HSD17B3: variants seen among roughly 807,000 people sequenced by gnomAD.
HSD17B3 encodes the protein 17-beta-hydroxysteroid dehydrogenase type 3.
In HSD17B3, 29 loss-of-function variants were observed where a neutral mutation model predicts 41.1. That is an observed-to-expected ratio of 0.71 (90% confidence interval 0.53 to 0.96). HSD17B3 has a LOEUF of 0.96. HSD17B3 is among the 40% of genes least tolerant of loss of function. HSD17B3 has a pLI of 0.00. For synonymous variants in HSD17B3, 126 were observed against 145.6 expected, an observed-to-expected ratio of 0.87 and a Z score of 0.97; for missense variants, 323 against 374.6, an observed-to-expected ratio of 0.86 and a Z score of 1.14.
At chr9:96,299,929 ACT>A (rs1418674475) in intron 1 of HSD17B3, among the ~76,000 whole-genome samples, 1 of 151,968 alleles carries the variant, frequency 6.6e-6, no homozygotes, top group Non-Finnish European at 1.5e-5. Context: ...GCTAGAGGTA[ACT>A]CTATCCATCT....
chr9:96,287,944 A>G (rs775886296), intron 2 of HSD17B3, among the ~76,000 whole-genome samples: 1 of 152,160 alleles, frequency 6.6e-6, no homozygotes, highest in Non-Finnish European at 1.5e-5. Context: ...GAGTATATCC[A>G]TACAATGGAA....
chr9:96,255,053 G>C (rs1052472414), intron 2 of HSD17B3, 110 bp from the exon 3 acceptor site: 3 of 916,120 alleles, frequency 3.3e-6, no homozygotes, highest in Non-Finnish European at 5.3e-6. Flanking sequence ...GGGTGACATG[G>C]TTGCTTCACC....
At chr9:96,284,790 T>C (rs928116306) in intron 2 of HSD17B3, among the ~76,000 whole-genome samples, 1 of 151,876 alleles carries the variant, frequency 6.6e-6, no homozygotes. Context: ...GGTTCAGCTC[T>C]AAAAAGTCTT....
In HSD17B3 at chr9:96,280,777, T is replaced by A. The variant is rs559417839; in HGVS notation, c.201+17639A>T. ...AAAATACAGGTCATAAAGACCTTGCTGATAAAACAGCTTGCAGTAAAAAAG... is the reference window on the plus strand; with the variant it reads ...AAAATACAGGTCATAAAGACCTTGCAGATAAAACAGCTTGCAGTAAAAAAG... On this transcript the variant is annotated intron_variant, in intron 2 of 10. Coordinates refer to ENST00000375263, the MANE Select transcript of HSD17B3 (RefSeq NM_000197.2). Among the ~76,000 whole-genome samples, 9 of 152,336 alleles carry A rather than the reference T, an allele frequency of 5.9e-5. No individual in the cohort carries two copies. In the South Asian group the frequency reaches 1.9e-3, roughly 32 times the overall value.
At chr9:96,273,505 C>G (rs1016118052) in intron 2 of HSD17B3, among the ~76,000 whole-genome samples, 1 of 152,184 alleles carries the variant, frequency 6.6e-6, no homozygotes, top group Non-Finnish European at 1.5e-5. Flanking sequence ...GCCTCAGCCA[C>G]CACAGACATC....
At chr9:96,272,445 A>ATATATATATATC (rs1564048658) in intron 2 of HSD17B3, among the ~76,000 whole-genome samples, 1 of 99,230 alleles carries the variant, frequency 1.0e-5, no homozygotes, top group African/African-American at 3.6e-5. Flanking sequence ...ATATATATAT[A>ATATATATATATC]TAAAATATAT....
chr9:96,285,355 A>G (rs1041017450), intron 2 of HSD17B3, among the ~76,000 whole-genome samples: 2 of 152,158 alleles, frequency 1.3e-5, no homozygotes, highest in Non-Finnish European at 2.9e-5. Flanking sequence ...TGTTTCTGCA[A>G]TTTAGACTAA....
intron 10 of HSD17B3, among the ~76,000 whole-genome samples, chr9:96,240,426 T>C (rs1404012341): frequency 6.6e-6 from 1 of 152,188 alleles, no homozygotes; most frequent in East Asian, 1.9e-4. Context: ...AGCTAAACAT[T>C]GACTGGAATA....
chr9:96,282,992 C>CT (rs58397134), intron 2 of HSD17B3, among the ~76,000 whole-genome samples: 10,893 of 71,102 alleles, frequency 0.15, 1,665 homozygotes, highest in Non-Finnish European at 0.21. Context: ...AGGTTTCTTT[C>CT]TTTTTTTTTT....
intron 2 of HSD17B3, among the ~76,000 whole-genome samples, chr9:96,290,976 C>T (rs1827134807): frequency 6.6e-6 from 1 of 152,122 alleles, no homozygotes; most frequent in Non-Finnish European, 1.5e-5. Flanking sequence ...TTGGGAAAAA[C>T]TATGACCCCA....
At chr9:96,295,758 G>A (rs10990306) in intron 2 of HSD17B3, among the ~76,000 whole-genome samples, 71 of 152,292 alleles carry the variant, frequency 4.7e-4, no homozygotes, top group East Asian at 2.1e-3. Flanking sequence ...GATGCAAGCC[G>A]TCTGGGACAA....
intron 2 of HSD17B3, among the ~76,000 whole-genome samples, chr9:96,281,200 C>A (rs1826678353): frequency 1.3e-5 from 2 of 152,112 alleles, no homozygotes; most frequent in South Asian, 4.1e-4. Flanking sequence ...TGAAAACCCC[C>A]TTCCCAAAGC....
rs116603639 is a variant in HSD17B3 at position 96,271,613 on chromosome 9, C to A, written c.202-16670G>T. Among the ~76,000 whole-genome samples the A allele has an allele frequency of 2.4e-3, 366 of 152,244 alleles. 2 individuals carry two copies. The highest frequency in any genetic ancestry group is 8.3e-3 in the African/African-American group (343 of 41,544). On this transcript the variant is annotated intron_variant, in intron 2 of 10. Coordinates refer to ENST00000375263, the MANE Select transcript of HSD17B3 (RefSeq NM_000197.2). The stretch of plus-strand genomic sequence containing the variant: ...AGTCAAAGCAGATATGTGTTATGAT[C>A]CAGCTTCAACCATGAAGAAGAGAGC...
chr9:96,259,242 T>C (rs1194538972), intron 2 of HSD17B3, among the ~76,000 whole-genome samples: 2 of 152,208 alleles, frequency 1.3e-5, no homozygotes, highest in Non-Finnish European at 2.9e-5. Flanking sequence ...AGAGTAGGCA[T>C]CTGGGTGGAC....
chr9:96,244,223 A>G (rs1441004901), intron 9 of HSD17B3, 106 bp downstream of exon 9: 2 of 1,065,532 alleles, frequency 1.9e-6, no homozygotes, highest in Non-Finnish European at 2.9e-6. Flanking sequence ...GACCCACAGG[A>G]GGCAGTGGCC....
intron 1 of HSD17B3, among the ~76,000 whole-genome samples, chr9:96,301,077 C>T (rs376267836): frequency 1.5e-3 from 226 of 152,264 alleles, no homozygotes; most frequent in African/African-American, 5.2e-3. Context: ...AAGAAGAAAA[C>T]TCATCTAATG....
chr9:96,257,761 G>A (rs1343406008), intron 2 of HSD17B3, among the ~76,000 whole-genome samples: 3 of 152,140 alleles, frequency 2.0e-5, no homozygotes, highest in African/African-American at 7.2e-5. Flanking sequence ...TAGTATATAT[G>A]AGTAAACTAA....
chr9:96,293,131 A>T (rs1827216216), intron 2 of HSD17B3, among the ~76,000 whole-genome samples: 1 of 152,248 alleles, frequency 6.6e-6, no homozygotes, highest in African/African-American at 2.4e-5. Flanking sequence ...AATACTGGTA[A>T]ATACAAGATA....
intron 2 of HSD17B3, among the ~76,000 whole-genome samples, chr9:96,272,405 C>CTCTCTCTCTCTCTCTCTATATATATATA (rs1239816824): frequency 4.6e-5 from 1 of 21,536 alleles, no homozygotes; most frequent in Non-Finnish European, 8.8e-5. Flanking sequence ...CTCTCTCTCT[C>CTCTCTCTCTCTCTCTCTATATATATATA]TATATATATA....
Sources: allele counts gnomAD v4.1 joint callset (sites outside exome capture counted in the v4.1 genomes callset), GRCh38; gene constraint gnomAD v4.1.1; transcripts MANE v1.5; gene names NCBI Gene and HGNC (gene_info 2026-07-23, HGNC 2026-07-21).